The following SUGCT variants were observed in gnomAD, a reference collection of about 807,000 sequenced individuals.
SUGCT encodes the protein succinyl-CoA:glutarate CoA-transferase.
In SUGCT, 41 loss-of-function variants were observed where a neutral mutation model predicts 55.0. That is an observed-to-expected ratio of 0.74 (90% CI 0.58 to 0.97). The LOEUF is 0.97. SUGCT is among the 50% of genes least tolerant of loss of function. The pLI, the probability that SUGCT is intolerant of heterozygous loss-of-function variation, is 0.00. For missense variants in SUGCT, 568 were observed against 547.8 expected, an observed-to-expected ratio of 1.04 and a Z score of -0.37; for synonymous variants, 187 against 200.4, an observed-to-expected ratio of 0.93 and a Z score of 0.56.
chr7:40,565,999 A>ACACACACACACACACACACGCG (rs1796123965), intron 12 of SUGCT, among the ~76,000 whole-genome samples: 1 of 145,142 alleles, frequency 6.9e-6, no homozygotes, highest in Non-Finnish European at 1.5e-5. Context: ...ACACGCACAC[A>ACACACACACACACACACACGCG]CACACACACA....
intron 9 of SUGCT, among the ~76,000 whole-genome samples, chr7:40,421,887 A>G (rs1583643264): frequency 6.6e-6 from 1 of 152,284 alleles, no homozygotes; most frequent in East Asian, 1.9e-4. Context: ...GTCCTTCTGA[A>G]CAGTTCTCAG....
At chr7:40,347,855 C>G (rs1215137214) in intron 9 of SUGCT, among the ~76,000 whole-genome samples, 2 of 152,178 alleles carry the variant, frequency 1.3e-5, no homozygotes, top group East Asian at 3.9e-4. Context: ...TTTCGTTGTT[C>G]TAGTTACTCA....
At chr7:41,028,639 T>G in the SUGCT span, among the ~76,000 whole-genome samples, 1 of 152,232 alleles carries the variant, frequency 6.6e-6, no homozygotes, top group African/African-American at 2.4e-5. Flanking sequence ...GATAAGCATT[T>G]TTGTATATAA....
intron 1 of SUGCT, chr7:40,151,578 C>T: frequency 4.4e-6 from 1 of 225,944 alleles, no homozygotes; most frequent in Admixed American, 4.2e-5. Context: ...ATCCCAGAGC[C>T]TGGGACAGTG....
chr7:40,464,768 A>G (rs1047486406), intron 11 of SUGCT, among the ~76,000 whole-genome samples: 20 of 152,342 alleles, frequency 1.3e-4, no homozygotes, highest in Admixed American at 1.1e-3. Flanking sequence ...ATCTTTTTCC[A>G]GGGTAGCCAT....
chr7:40,403,190 A>G lies in SUGCT; in HGVS notation c.817-46097A>G, dbSNP rs979223710. On this transcript the variant is annotated intron_variant, in intron 9 of 13. Transcript: ENST00000335693. ...CACATTTTTGCTGTCATTTTCCATG[A>G]TTTTATTAGGTTTTGTACAAAAATG... Among the ~76,000 whole-genome samples, 3 of 152,196 alleles carry G rather than the reference A, an allele frequency of 2.0e-5. No homozygotes were observed. The East Asian group carries it at 5.8e-4, about 29-fold the overall frequency.
At position 40,188,537 on chromosome 7, in the gene SUGCT, GGACA is replaced by G; in HGVS notation, c.272_275del (p.Thr91LysfsTer25). ...CGAACTTGGGGGCCACCTTTTGTTG[GGACA>G]GAAAGTACATATTATCTCAGTGTTA... On this transcript the variant is annotated frameshift_variant, in exon 4 of 14. Transcript: ENST00000335693. LOFTEE classifies it high-confidence loss of function. 1 of 1,609,192 alleles carries G rather than the reference GGACA, an allele frequency of 6.2e-7. No individual in the cohort carries two copies.
At chr7:40,685,122 G>A (rs1784412630) in intron 12 of SUGCT, among the ~76,000 whole-genome samples, 1 of 152,036 alleles carries the variant, frequency 6.6e-6, no homozygotes, top group Non-Finnish European at 1.5e-5. Flanking sequence ...CTCCCAAAGT[G>A]CTGGGATTAC....
chr7:40,725,605 T>G lies in SUGCT; in HGVS notation c.1090-23829T>G, dbSNP rs546919775. ...TTTTTTTTTTCTTTTCACTCTCTTT[T>G]AACTATTCAAATTCACTAGTACATT... On this transcript the variant is annotated intron_variant, in intron 12 of 13. Transcript: ENST00000335693. 2.8e-4 allele frequency among the ~76,000 whole-genome samples: 42 copies of G among 152,072 alleles called. No individual in the cohort carries two copies. The South Asian group carries it at 8.5e-3, about 31-fold the overall frequency.
intron 7 of SUGCT, 102 bp downstream of exon 7, chr7:40,237,828 G>A (rs1789113425): frequency 1.1e-6 from 1 of 877,694 alleles, no homozygotes; most frequent in Admixed American, 2.8e-5. Flanking sequence ...TGTTAGGTTG[G>A]GGCAAAAGTA....
the SUGCT span, among the ~76,000 whole-genome samples, chr7:40,946,143 C>G: frequency 6.6e-6 from 1 of 150,972 alleles, no homozygotes; most frequent in Non-Finnish European, 1.5e-5. Flanking sequence ...GTTCTTCTGC[C>G]TACAGATGCT....
intron 12 of SUGCT, among the ~76,000 whole-genome samples, chr7:40,616,072 T>C (rs775882883): frequency 6.6e-6 from 1 of 152,254 alleles, no homozygotes; most frequent in Non-Finnish European, 1.5e-5. Flanking sequence ...AGCATAAATA[T>C]ATGACTGGAG....
intron 6 of SUGCT, among the ~76,000 whole-genome samples, chr7:40,226,587 CTTTT>C (rs756344535): frequency 7.1e-6 from 1 of 141,690 alleles, no homozygotes. Context: ...AAAACTAACT[CTTTT>C]TTTTTTTTTT....
chr7:40,972,788 C>T, the SUGCT span, among the ~76,000 whole-genome samples: 1 of 152,208 alleles, frequency 6.6e-6, no homozygotes, highest in Non-Finnish European at 1.5e-5. Flanking sequence ...TCCTTGCCTA[C>T]ATATCCTTGG....
At chr7:40,633,688 A>G (rs1271302192) in intron 12 of SUGCT, among the ~76,000 whole-genome samples, 3 of 152,210 alleles carry the variant, frequency 2.0e-5, no homozygotes, top group Admixed American at 6.6e-5. Context: ...CACCAATTCC[A>G]AAGATTTAAA....
intron 12 of SUGCT, among the ~76,000 whole-genome samples, chr7:40,687,568 G>A (rs1423892704): frequency 1.1e-4 from 16 of 152,138 alleles, no homozygotes; most frequent in Non-Finnish European, 2.4e-4. Flanking sequence ...TTTATGAGGA[G>A]CTGAGGAACC....
chr7:40,620,365 G>A (rs945403553), intron 12 of SUGCT, among the ~76,000 whole-genome samples: 16 of 152,074 alleles, frequency 1.1e-4, no homozygotes, highest in African/African-American at 3.6e-4. Flanking sequence ...TAAAATAGTG[G>A]CAAGCTAGTA....
intron 8 of SUGCT, among the ~76,000 whole-genome samples, chr7:40,277,210 T>C (rs899645514): frequency 1.3e-5 from 2 of 152,202 alleles, no homozygotes; most frequent in African/African-American, 4.8e-5. Context: ...TTTCTTTTTT[T>C]CTTTTTCTGT....
At chr7:40,671,274 A>G (rs1417761352) in intron 12 of SUGCT, among the ~76,000 whole-genome samples, 1 of 152,208 alleles carries the variant, frequency 6.6e-6, no homozygotes, top group African/African-American at 2.4e-5. Flanking sequence ...ATGAAGAAAA[A>G]GCATTTGACA....
Sources: gnomAD v4.1 joint callset for allele counts (sites outside exome capture counted in the v4.1 genomes callset) on GRCh38, gnomAD v4.1.1 for gene constraint, MANE v1.5 for transcripts, NCBI Gene and HGNC (gene_info 2026-07-23, HGNC 2026-07-21) for gene names.